The following TRPC4 variants were observed in gnomAD, a reference collection of about 807,000 sequenced individuals.
TRPC4 encodes the protein short transient receptor potential channel 4.
In TRPC4, 49 loss-of-function variants were observed where a neutral mutation model predicts 99.4. That is an observed-to-expected ratio of 0.49 (90% confidence interval 0.39 to 0.63). TRPC4 has a LOEUF of 0.63. Among genes scored for constraint, TRPC4 ranks in the 20% least tolerant of loss-of-function variants. The pLI, the probability that TRPC4 is intolerant of heterozygous loss-of-function variation, is 0.00. For missense variants in TRPC4, 898 were observed against 1,152.9 expected, an observed-to-expected ratio of 0.78 and a Z score of 3.20; for synonymous variants, 454 against 425.9, an observed-to-expected ratio of 1.07 and a Z score of -0.81.
At chr13:37,804,109 A>G (rs1957471782) in intron 1 of TRPC4, among the ~76,000 whole-genome samples, 1 of 152,098 alleles carries the variant, frequency 6.6e-6, no homozygotes, top group Non-Finnish European at 1.5e-5. Context: ...AACGCTTTAT[A>G]TGTTAGACAG....
intron 3 of TRPC4, among the ~76,000 whole-genome samples, chr13:37,723,840 C>T (rs762588748): frequency 1.3e-5 from 2 of 152,000 alleles, no homozygotes; most frequent in Admixed American, 1.3e-4. Context: ...CAGGTGTGAG[C>T]CACCACACCT....
chr13:37,840,213 A>G (rs1050532404), intron 1 of TRPC4, among the ~76,000 whole-genome samples: 37 of 152,084 alleles, frequency 2.4e-4, no homozygotes, highest in African/African-American at 8.7e-4. Flanking sequence ...ATCTGGCACA[A>G]CTTTCTAGGT....
intron 3 of TRPC4, among the ~76,000 whole-genome samples, chr13:37,726,483 C>T (rs1210288984): frequency 1.3e-5 from 2 of 151,600 alleles, no homozygotes; most frequent in African/African-American, 4.9e-5. Context: ...AAGAAAATAG[C>T]TATGGAATAT....
chr13:37,827,075 G>A (rs978642042), intron 1 of TRPC4, among the ~76,000 whole-genome samples: 2 of 151,898 alleles, frequency 1.3e-5, no homozygotes, highest in Non-Finnish European at 2.9e-5. Context: ...CGGCTCCTGA[G>A]GCTTCTGCAT....
At chr13:37,774,511 T>A (rs1956646941) in intron 2 of TRPC4, among the ~76,000 whole-genome samples, 1 of 151,810 alleles carries the variant, frequency 6.6e-6, no homozygotes, top group South Asian at 2.1e-4. Context: ...ATTTATTTTT[T>A]AAACTTTTAT....
intron 8 of TRPC4, 71 bp from the exon 9 acceptor site, chr13:37,639,370 T>TA: frequency 6.8e-7 from 1 of 1,463,456 alleles, no homozygotes; most frequent in Non-Finnish European, 9.3e-7. Context: ...ATTTATTTTT[T>TA]TAATCGATAA....
chr13:37,815,177 C>A (rs1018042963), intron 1 of TRPC4, among the ~76,000 whole-genome samples: 8 of 151,576 alleles, frequency 5.3e-5, no homozygotes, highest in Non-Finnish European at 1.2e-4. Context: ...AAATTCAATT[C>A]AAAAAGGATC....
At chr13:37,788,576 A>G (rs1038645477) in intron 1 of TRPC4, among the ~76,000 whole-genome samples, 1 of 151,502 alleles carries the variant, frequency 6.6e-6, no homozygotes, top group Non-Finnish European at 1.5e-5. Flanking sequence ...AGTCTTCCCT[A>G]ATGCTCCACC....
intron 3 of TRPC4, among the ~76,000 whole-genome samples, chr13:37,695,134 C>T (rs1341489582): frequency 6.6e-6 from 1 of 151,806 alleles, no homozygotes; most frequent in Non-Finnish European, 1.5e-5. Context: ...TATCTCTTGC[C>T]TCTCTTTCCC....
chr13:37,650,858 C>T lies in TRPC4; in HGVS notation c.2079+407G>A, dbSNP rs550096660. Among the ~76,000 whole-genome samples the T allele has an allele frequency of 1.4e-4, 21 of 152,270 alleles. No homozygotes were observed. In the South Asian group the frequency reaches 2.1e-3, roughly 15 times the overall value. ...TGAAGAATTTGAGGTCACCAAAGCA[C>T]GTGCCCTTCCCTCATGGAGCATACG... On this transcript the variant is annotated intron_variant, in intron 8 of 10. Coordinates refer to ENST00000379705, the MANE Select transcript of TRPC4 (RefSeq NM_016179.4).
chr13:37,731,664 C>A (rs1393672381), intron 3 of TRPC4, among the ~76,000 whole-genome samples: 2 of 151,924 alleles, frequency 1.3e-5, no homozygotes, highest in Non-Finnish European at 2.9e-5. Flanking sequence ...GAATGTCAAA[C>A]TGTATAAGAG....
chr13:37,863,497 T>C (rs981893855), intron 1 of TRPC4, among the ~76,000 whole-genome samples: 9 of 151,600 alleles, frequency 5.9e-5, no homozygotes, highest in Admixed American at 3.3e-4. Flanking sequence ...CCTGTACATA[T>C]TGGGCTCTAG....
intron 1 of TRPC4, among the ~76,000 whole-genome samples, chr13:37,799,703 G>A (rs1435639098): frequency 6.6e-6 from 1 of 152,118 alleles, no homozygotes; most frequent in African/African-American, 2.4e-5. Flanking sequence ...TGTAATTTTG[G>A]AAGTTCAGGG....
chr13:37,677,893 G>A (rs1039759180), intron 4 of TRPC4, among the ~76,000 whole-genome samples: 1 of 151,996 alleles, frequency 6.6e-6, no homozygotes, highest in Non-Finnish European at 1.5e-5. Flanking sequence ...ACAAACCTCA[G>A]CACATTTATT....
intron 2 of TRPC4, among the ~76,000 whole-genome samples, chr13:37,777,561 C>T (rs1956740794): frequency 6.6e-6 from 1 of 151,500 alleles, no homozygotes; most frequent in Admixed American, 6.6e-5. Context: ...GGACACAGAG[C>T]CACACCATAT....
At chr13:37,756,580 TG>T (rs1184984657) in intron 2 of TRPC4, among the ~76,000 whole-genome samples, 1 of 151,000 alleles carries the variant, frequency 6.6e-6, no homozygotes, top group Admixed American at 6.6e-5. Flanking sequence ...TCACCCAGGT[TG>T]GAGTGTAATG....
chr13:37,632,700 AT>A lies in TRPC4; in HGVS notation c.*4202del. ...GAGAAGCTTTGATATAATTTAATAC[AT>A]TTTATTATTACCAGTATGCATACAG... On this transcript the variant is annotated 3_prime_UTR_variant, in exon 11 of 11. Coordinates refer to ENST00000379705, the MANE Select transcript of TRPC4 (RefSeq NM_016179.4). Among the ~76,000 whole-genome samples the A allele has an allele frequency of 6.6e-6, 1 of 152,320 alleles. No homozygotes were observed. The highest frequency in any genetic ancestry group is 1.5e-5 in the Non-Finnish European group (1 of 68,032).
intron 1 of TRPC4, among the ~76,000 whole-genome samples, chr13:37,868,634 A>AT (rs34686635): frequency 0.65 from 96,655 of 149,426 alleles, 31,217 homozygotes; most frequent in Admixed American, 0.71. Context: ...AAGTCTGTCT[A>AT]TTTTTTTTTT....
chr13:37,665,870 A>G (rs1223240330), intron 5 of TRPC4, among the ~76,000 whole-genome samples: 3 of 151,520 alleles, frequency 2.0e-5, no homozygotes, highest in Non-Finnish European at 4.4e-5. Context: ...AAAATACATA[A>G]GAGGAAGGTT....
Sources: allele counts gnomAD v4.1 joint callset (sites outside exome capture counted in the v4.1 genomes callset), GRCh38; gene constraint gnomAD v4.1.1; transcripts MANE v1.5; gene names NCBI Gene and HGNC (gene_info 2026-07-23, HGNC 2026-07-21).